RPS6KA4: variants seen among roughly 807,000 people sequenced by gnomAD.
The protein encoded by RPS6KA4 is ribosomal protein S6 kinase alpha-4.
Under a neutral mutation model 89.6 loss-of-function variants are expected in RPS6KA4, and 38 were observed. That is an observed-to-expected ratio of 0.42 (90% CI 0.33 to 0.56). The LOEUF (loss-of-function observed/expected upper bound fraction) is 0.56. Among genes scored for constraint, RPS6KA4 ranks in the 20% least tolerant of loss-of-function variants. RPS6KA4 has a pLI of 0.07. For missense variants in RPS6KA4, 873 were observed against 1,098.8 expected (o/e 0.79, Z 2.90); for synonymous variants, 495 against 492.8 (o/e 1.00, Z -0.06).
chr11:64,369,635 C>T lies in RPS6KA4; in HGVS notation c.1602+16C>T, dbSNP rs530763557. The T allele has an allele frequency of 6.9e-6, 11 of 1,601,796 alleles. No homozygotes were observed. Among genetic ancestry groups the T allele is most frequent in the East Asian group, 2.3e-5 (1 of 44,368 alleles). ...CAAGCCGGAGGTGGGCGAGCTGCCT[C>T]GGCGGCGGGGCGGAGCGGTGGCGCC... On this transcript the variant is annotated intron_variant, in intron 13 of 16. Coordinates refer to ENST00000334205, the MANE Select transcript of RPS6KA4 (RefSeq NM_003942.3).
chr11:64,364,692 AT>A (rs1266470841), intron 8 of RPS6KA4, among the ~76,000 whole-genome samples: 2 of 149,878 alleles, frequency 1.3e-5, no homozygotes, highest in Non-Finnish European at 3.0e-5. Flanking sequence ...ATCCTCTTAG[AT>A]TTAAGTCCAG....
chr11:64,368,027 C>T, intron 9 of RPS6KA4, 105 bp from the exon 10 acceptor site: 1 of 1,224,574 alleles, frequency 8.2e-7, no homozygotes, highest in South Asian at 1.4e-5. Context: ...CCCCCACTGC[C>T]CCCTTGTCCA....
At chr11:64,367,495 G>C (rs1161407314) in intron 9 of RPS6KA4, among the ~76,000 whole-genome samples, 2 of 152,212 alleles carry the variant, frequency 1.3e-5, no homozygotes, top group African/African-American at 4.8e-5. Context: ...ATTATTAGTA[G>C]AGATGGGGTT....
At position 64,359,223 on chromosome 11, in the gene RPS6KA4, C is replaced by G. The variant is rs1445674669; in HGVS notation, c.-13C>G. 2.7e-5 allele frequency: 36 copies of G among 1,345,820 alleles called. No homozygotes were observed. The highest frequency in any genetic ancestry group is 3.4e-5 in the Non-Finnish European group (35 of 1,039,542). The allele number at this position is 1,345,820 out of a possible 1,614,324, so 83.4% of individuals were successfully genotyped here. ...GGAGCCCGAGCCGCGCGGGCCCCAGCGACCCGCCCGCCATGGGGGACGAGG... is the reference window on the plus strand; with the variant it reads ...GGAGCCCGAGCCGCGCGGGCCCCAGGGACCCGCCCGCCATGGGGGACGAGG... On this transcript the variant is annotated 5_prime_UTR_variant, in exon 1 of 17. Coordinates refer to ENST00000334205, the MANE Select transcript of RPS6KA4 (RefSeq NM_003942.3).
In RPS6KA4 at chr11:64,371,333, T is replaced by C. The variant is rs11542299; in HGVS notation, c.2172T>C (p.Asn724=). The part of the protein sequence containing the change: ...REGFFLKSVE[N]APLAKRRKQK... ...GCTTCTTCCTGAAGAGCGTGGAGAA[T>C]GCACCCCTGGCCAAGCGGCGGAAGC... Residue 724 remains asparagine (N), a synonymous_variant, in exon 17 of 17, where the codon AAT becomes AAC. Transcript: ENST00000334205. 589,428 of 1,612,100 alleles carry C rather than the reference T, an allele frequency of 0.37. 112,190 individuals carry two copies. The highest frequency in any genetic ancestry group is 0.39 in the Non-Finnish European group (456,131 of 1,179,610).
Position 64,360,268 on chromosome 11 carries a change from C to T in RPS6KA4, c.233C>T (p.Thr78Met), listed in dbSNP as rs1382241546. The T allele has an allele frequency of 1.3e-6, 2 of 1,547,452 alleles. No homozygotes were observed. Among genetic ancestry groups the T allele is most frequent in the Admixed American group, 3.9e-5 (2 of 50,936 alleles). Reference protein sequence around the residue: ...RKAALVQRAKTQEHTRTERSV... With the variant: ...RKAALVQRAKMQEHTRTERSV... ...GCGGCGCTGGTGCAGCGCGCCAAGA[C>T]GCAAGAGCACACGCGCACCGAGCGC... Residue 78 changes from threonine (T) to methionine (M), a missense_variant, in exon 3 of 17, where the codon ACG becomes ATG. Thr to Met is a moderately conservative substitution (Grantham distance 81, BLOSUM62 -1). Transcript: ENST00000334205.
rs768103197 is a variant in RPS6KA4, at chr11:64,361,755, G to T, written c.755+10G>T. ...AGGCTGAGGTGTCTCGGTGAGTAGG[G>T]CTGGACGTGGAGGGCGGCCAGAGGG... On this transcript the variant is annotated intron_variant, in intron 7 of 16. Transcript: ENST00000334205. This position sits in a 1 kb window ranked among gnomAD's most constrained non-coding sequence, Gnocchi z 4.7. 3.8e-6 allele frequency: 6 copies of T among 1,596,884 alleles called. No homozygotes were observed. The highest frequency in any genetic ancestry group is 3.4e-6 in the Non-Finnish European group (4 of 1,173,400).
rs899423985 is a variant in RPS6KA4, at chr11:64,371,908, C to T, written c.*428C>T. Reference sequence around the variant, plus strand: ...CCTCAACTGTCACTTTATGGACTGTCTGTGCAATTACGTCCACCAAAGACC... The same window carrying T: ...CCTCAACTGTCACTTTATGGACTGTTTGTGCAATTACGTCCACCAAAGACC... On this transcript the variant is annotated 3_prime_UTR_variant, in exon 17 of 17. Transcript: ENST00000334205. The T allele has an allele frequency of 1.3e-5, 2 of 157,732 alleles. No individual in the cohort carries two copies. Among genetic ancestry groups the T allele is most frequent in the African/African-American group, 4.8e-5 (2 of 41,630 alleles). The allele number at this position is 157,732 out of a possible 1,614,324, so 9.8% of individuals were successfully genotyped here.
In RPS6KA4 at chr11:64,370,151, G is replaced by T; in HGVS notation, c.1798-74G>T. 1.4e-6 allele frequency: 2 copies of T among 1,473,644 alleles called. No individual in the cohort carries two copies. The highest frequency in any genetic ancestry group is 2.4e-5 in the East Asian group (1 of 42,454). 91.3% of individuals were successfully genotyped at this position (1,473,644 alleles called of 1,614,324 possible). A position where few individuals can be genotyped will look rare whatever the true frequency, so the allele number is the denominator to read the frequency against. On this transcript the variant is annotated intron_variant, in intron 14 of 16. Transcript: ENST00000334205. The surrounding 1 kb of genome is among the most constrained non-coding windows in gnomAD (Gnocchi z 4.1). ...AGTGCCCCTAGTGGGGAGGGTGAGTGGTTCTGTGGGAGCGGAGGGGTCAGC... is the reference window on the plus strand; with the variant it reads ...AGTGCCCCTAGTGGGGAGGGTGAGTTGTTCTGTGGGAGCGGAGGGGTCAGC...
intron 8 of RPS6KA4, among the ~76,000 whole-genome samples, chr11:64,362,771 A>G (rs2036789342): frequency 6.6e-6 from 1 of 152,192 alleles, no homozygotes; most frequent in Non-Finnish European, 1.5e-5. Context: ...CAGGGGTTCA[A>G]GCGATTTTCC....
At chr11:64,360,679 T>TC in intron 4 of RPS6KA4, 87 bp downstream of exon 4, 7 of 1,198,850 alleles carry the variant, frequency 5.8e-6, no homozygotes, top group Admixed American at 4.2e-5. Flanking sequence ...GCCTCAGGCT[T>TC]CCCCCTGGGC....
Position 64,360,315 on chromosome 11 carries a change from C to T in RPS6KA4, c.280C>T (p.Gln94Ter). 6.5e-7 allele frequency: 1 copy of T among 1,549,040 alleles called. No individual in the cohort carries two copies. Among genetic ancestry groups the T allele is most frequent in the Non-Finnish European group, 8.7e-7 (1 of 1,146,674 alleles). ...TERSVLELVR[Q>*]APFLVTLHYA... Reference sequence around the variant, plus strand: ...GCGCTCGGTGCTGGAGCTGGTGCGCCAGGCGCCCTTCCTGGTCACGCTGCA... The same window carrying T: ...GCGCTCGGTGCTGGAGCTGGTGCGCTAGGCGCCCTTCCTGGTCACGCTGCA... The change falls in exon 3 of 17, where the codon CAG becomes TAG. Residue 94 changes from glutamine to a stop codon, truncating the protein, a stop_gained. Coordinates refer to ENST00000334205, the MANE Select transcript of RPS6KA4 (RefSeq NM_003942.3). LOFTEE classifies it high-confidence loss of function.
rs755430970 is a variant in RPS6KA4 at position 64,369,902 on chromosome 11, C to T, written c.1797+9C>T. 16 of 1,526,056 alleles carry T rather than the reference C, an allele frequency of 1.0e-5. No homozygotes were observed. In the South Asian group the frequency reaches 1.7e-4, roughly 16 times the overall value. The allele number at this position is 1,526,056 out of a possible 1,614,324, so 94.5% of individuals were successfully genotyped here. ...GCCTGGGCGTCATTCTGGTATGGGACGCGGTCCTTGAGGCGGGGTCAGGGT... is the reference window on the plus strand; with the variant it reads ...GCCTGGGCGTCATTCTGGTATGGGATGCGGTCCTTGAGGCGGGGTCAGGGT... On this transcript the variant is annotated intron_variant, in intron 14 of 16. Coordinates refer to ENST00000334205, the MANE Select transcript of RPS6KA4 (RefSeq NM_003942.3).
In RPS6KA4 at chr11:64,360,280, C is replaced by T. The variant is rs1045275022; in HGVS notation, c.245C>T (p.Thr82Met). Residue 82 changes from threonine (T) to methionine (M), a missense_variant, in exon 3 of 17, where the codon ACG becomes ATG. Thr to Met is a moderately conservative substitution (Grantham distance 81). Around this residue, in one of 4 missense-constraint regions of RPS6KA4, gnomAD observed 542 missense variants for 736.4 expected, o/e 0.74. Coordinates refer to ENST00000334205, the MANE Select transcript of RPS6KA4 (RefSeq NM_003942.3). Reference sequence around the variant, plus strand: ...CAGCGCGCCAAGACGCAAGAGCACACGCGCACCGAGCGCTCGGTGCTGGAG... The same window carrying T: ...CAGCGCGCCAAGACGCAAGAGCACATGCGCACCGAGCGCTCGGTGCTGGAG... Reference protein sequence around the residue: ...LVQRAKTQEHTRTERSVLELV... With the variant: ...LVQRAKTQEHMRTERSVLELV... 25 of 1,547,384 alleles carry T rather than the reference C, an allele frequency of 1.6e-5. No homozygotes were observed. The highest frequency in any genetic ancestry group is 2.2e-5 in the Non-Finnish European group (25 of 1,146,164).
rs1381249006 is a variant in RPS6KA4, at chr11:64,361,645, G to A, written c.655G>A (p.Val219Met). The A allele has an allele frequency of 6.2e-7, 1 of 1,613,280 alleles. No homozygotes were observed. Among genetic ancestry groups the A allele is most frequent in the South Asian group, 1.1e-5 (1 of 91,072 alleles). ...IRSKTGHGKA[V>M]DWWSLGILLF... ...TCACCCCGGCTCCACCCGGCAGGCTGTGGACTGGTGGAGCCTGGGCATCTT... is the reference window on the plus strand; with the variant it reads ...TCACCCCGGCTCCACCCGGCAGGCTATGGACTGGTGGAGCCTGGGCATCTT... Residue 219 changes from valine to methionine, a missense_variant, in exon 7 of 17, where the codon GTG becomes ATG. This residue lies in a region of RPS6KA4 where 542 missense variants were observed against 736.4 expected (regional missense o/e 0.74). Transcript: ENST00000334205. This position sits in a 1 kb window ranked among gnomAD's most constrained non-coding sequence, Gnocchi z 4.7.
rs1205614756 is a variant in RPS6KA4 at position 64,368,694 on chromosome 11, C to G, written c.1335-10C>G. On this transcript the variant is annotated splice_polypyrimidine_tract_variant and intron_variant, in intron 11 of 16. Transcript: ENST00000334205. ...GCGGCGACCGTAACTCCTTCTGCTC[C>G]GTCCCCCAGGCTGGAGGCGAACACG... 8.2e-6 allele frequency: 13 copies of G among 1,576,088 alleles called. No homozygotes were observed. The highest frequency in any genetic ancestry group is 1.9e-5 in the Admixed American group (1 of 54,032).
At chr11:64,369,270 G>A (rs1010076323) in intron 12 of RPS6KA4, among the ~76,000 whole-genome samples, 176 bp from the exon 13 acceptor site, 4 of 150,562 alleles carry the variant, frequency 2.7e-5, no homozygotes, top group East Asian at 2.0e-4. Flanking sequence ...CAGCCTGGGC[G>A]ACAAAGCGAG....
chr11:64,360,658 C>A, intron 4 of RPS6KA4, 66 bp downstream of exon 4: 3 of 1,379,336 alleles, frequency 2.2e-6, no homozygotes, highest in South Asian at 1.3e-5. Flanking sequence ...AAGGAATCTG[C>A]ACGCAGGGCA....
chr11:64,366,351 A>G (rs992609648), intron 9 of RPS6KA4, among the ~76,000 whole-genome samples: 1 of 152,076 alleles, frequency 6.6e-6, no homozygotes, highest in African/African-American at 2.4e-5. Context: ...TTGTATTTTC[A>G]GTAGAGATGG....
Sources: allele counts gnomAD v4.1 joint callset (sites outside exome capture counted in the v4.1 genomes callset), GRCh38; gene constraint gnomAD v4.1.1; regional missense constraint gnomAD v4.1.1; non-coding constraint Gnocchi (gnomAD v3.1); transcripts MANE v1.5; gene names NCBI Gene and HGNC (gene_info 2026-07-23, HGNC 2026-07-21).